KLHL8: variants seen among roughly 807,000 people sequenced by gnomAD.
The protein encoded by KLHL8 is kelch like family member 8.
A neutral mutation model predicts 63.5 loss-of-function variants in KLHL8; 38 were observed. The observed-to-expected ratio is 0.60, with a 90% CI of 0.46 to 0.78. The LOEUF (loss-of-function observed/expected upper bound fraction) is 0.78. KLHL8 is among the 30% of genes least tolerant of loss of function. The pLI is 0.00. For missense variants in KLHL8, 566 were observed against 752.4 expected (o/e 0.75, Z 2.90); for synonymous variants, 224 against 254.3 (o/e 0.88, Z 1.13).
At chr4:87,163,774 C>A in intron 9 of KLHL8, 104 bp downstream of exon 9, 1 of 1,519,624 alleles carries the variant, frequency 6.6e-7, no homozygotes, top group Non-Finnish European at 9.0e-7. Context: ...ATAAGATATC[C>A]CAAAGCTTAG....
At chr4:87,228,671 G>A (rs566597119) in intron 1 of KLHL8, among the ~76,000 whole-genome samples, 1 of 152,292 alleles carries the variant, frequency 6.6e-6, no homozygotes, top group Admixed American at 6.5e-5. Flanking sequence ...GAGAAAGAAG[G>A]TACAAAAGTC....
In KLHL8 at chr4:87,182,653, TA is replaced by T. The variant is rs531836395; in HGVS notation, c.952+549del. Among the ~76,000 whole-genome samples, 50 of 152,270 alleles carry T rather than the reference TA, an allele frequency of 3.3e-4. 2 individuals are homozygous for T. The South Asian group carries it at 0.01, about 32-fold the overall frequency. ...TGAACTATTTTCTTGGGAAAAATTA[TA>T]AAGTCTAAAAATTGTATCAAATAAA... On this transcript the variant is annotated intron_variant, in intron 4 of 9. Transcript: ENST00000273963.
At chr4:87,208,193 C>T (rs1732223877) in intron 1 of KLHL8, 1 of 334,092 alleles carries the variant, frequency 3.0e-6, no homozygotes, top group African/African-American at 2.1e-5. Flanking sequence ...CACTGAGAAT[C>T]TCCCCTCCTC....
chr4:87,164,371 A>C (rs1730294274), intron 8 of KLHL8, among the ~76,000 whole-genome samples: 1 of 152,096 alleles, frequency 6.6e-6, no homozygotes, highest in African/African-American at 2.4e-5. Context: ...TTCAGAGAAA[A>C]AGAAAAAAAA....
chr4:87,197,631 C>T (rs983454127), intron 1 of KLHL8, among the ~76,000 whole-genome samples: 1 of 152,164 alleles, frequency 6.6e-6, no homozygotes, highest in Non-Finnish European at 1.5e-5. Context: ...TTTTAAGCCA[C>T]TAAATTGTGG....
intron 1 of KLHL8, among the ~76,000 whole-genome samples, chr4:87,239,017 CTATTA>C (rs1357394098): frequency 6.6e-6 from 1 of 152,112 alleles, no homozygotes; most frequent in African/African-American, 2.4e-5. Context: ...TCAACACATT[CTATTA>C]TATTTTTTAA....
At chr4:87,176,205 TG>T (rs1730811954) in intron 6 of KLHL8, among the ~76,000 whole-genome samples, 1 of 152,242 alleles carries the variant, frequency 6.6e-6, no homozygotes. Context: ...ATCTCAGCAC[TG>T]GCATTTGGCA....
intron 3 of KLHL8, 24 bp from the exon 4 acceptor site, chr4:87,183,413 A>C (rs2109989739): frequency 6.7e-7 from 1 of 1,488,424 alleles, no homozygotes; most frequent in African/African-American, 1.4e-5. Flanking sequence ...TAGTTGCAAT[A>C]CAACAAATTT....
intron 4 of KLHL8, among the ~76,000 whole-genome samples, chr4:87,181,808 T>C (rs1373780413): frequency 2.0e-5 from 3 of 152,156 alleles, no homozygotes; most frequent in Non-Finnish European, 4.4e-5. Context: ...TATATGACTG[T>C]CTAGTATATT....
At chr4:87,173,316 T>G (rs1193427962) in intron 6 of KLHL8, among the ~76,000 whole-genome samples, 1 of 152,240 alleles carries the variant, frequency 6.6e-6, no homozygotes, top group Non-Finnish European at 1.5e-5. Context: ...CAATGTAAGC[T>G]ATACAGAGGC....
chr4:87,219,865 G>A (rs1732753409), intron 1 of KLHL8: 2 of 152,298 alleles, frequency 1.3e-5, no homozygotes, highest in South Asian at 4.1e-4. Flanking sequence ...CCCCGAGTGG[G>A]GACAGGCAGT....
At chr4:87,205,219 C>T (rs920610326) in intron 1 of KLHL8, among the ~76,000 whole-genome samples, 16 of 152,298 alleles carry the variant, frequency 1.1e-4, no homozygotes, top group African/African-American at 3.8e-4. Flanking sequence ...CCAGCCTGGG[C>T]AACAGAGTAA....
upstream of KLHL8, among the ~76,000 whole-genome samples, chr4:87,221,771 A>G (rs1732861430): frequency 1.3e-5 from 2 of 152,144 alleles, no homozygotes; most frequent in Non-Finnish European, 2.9e-5. Context: ...AAAAAATCAC[A>G]TTTTTTACAT....
At chr4:87,216,934 T>C (rs1732618196) in intron 1 of KLHL8, among the ~76,000 whole-genome samples, 1 of 152,214 alleles carries the variant, frequency 6.6e-6, no homozygotes, top group African/African-American at 2.4e-5. Flanking sequence ...GTACGTATTA[T>C]TTTTATCCCC....
At chr4:87,228,171 A>G (rs563578103) in intron 1 of KLHL8, among the ~76,000 whole-genome samples, 3 of 152,236 alleles carry the variant, frequency 2.0e-5, no homozygotes, top group African/African-American at 7.2e-5. Context: ...ATCTCACCCA[A>G]TGTTTCTCTT....
intron 5 of KLHL8, among the ~76,000 whole-genome samples, chr4:87,177,537 C>CTA (rs10631485): frequency 0.29 from 43,742 of 149,728 alleles, 6,807 homozygotes; most frequent in Middle Eastern, 0.46. Context: ...CAAACAAAAA[C>CTA]TATATATATA....
chr4:87,223,777 A>G (rs1485234593), upstream of KLHL8, among the ~76,000 whole-genome samples: 1 of 152,226 alleles, frequency 6.6e-6, no homozygotes. Context: ...AATTACTTAA[A>G]AATATATACA....
chr4:87,185,443 A>C lies in KLHL8; in HGVS notation c.573T>G (p.Tyr191Ter). ...RIDLMDMADQ[Y>*]ACDHFTEVVE... is the part of the protein sequence containing the mutation. ...CTACTTCAGTAAAATGGTCACAGGC[A>C]TACTGATCCGCCATGTCCATTAAGT... Residue 191 changes from tyrosine (Y) to a stop codon, truncating the protein, a stop_gained, in exon 3 of 10, where the codon TAT (tyrosine) becomes TAG (stop). Coordinates refer to ENST00000273963, the MANE Select transcript of KLHL8 (RefSeq NM_020803.5). LOFTEE classifies it high-confidence loss of function. The C allele has an allele frequency of 6.2e-7, 1 of 1,614,188 alleles. No individual in the cohort carries two copies. Among genetic ancestry groups the C allele is most frequent in the African/African-American group, 1.3e-5 (1 of 75,056 alleles).
intron 4 of KLHL8, among the ~76,000 whole-genome samples, chr4:87,180,027 TGAGCAGCAAAGG>T (rs1218511829): frequency 2.0e-5 from 3 of 152,192 alleles, no homozygotes; most frequent in Non-Finnish European, 4.4e-5. Flanking sequence ...CTTCATACTT[TGAGCAGCAAAGG>T]CTACCTTACA....
Sources: allele counts gnomAD v4.1 joint callset (sites outside exome capture counted in the v4.1 genomes callset), GRCh38; gene constraint gnomAD v4.1.1; transcripts MANE v1.5; gene names NCBI Gene and HGNC (gene_info 2026-07-23, HGNC 2026-07-21).